The following NTM variants were observed in gnomAD, a reference collection of about 807,000 sequenced individuals.
The protein encoded by NTM is neurotrimin, also known as IgLON family member 2.
NTM carries 13 observed loss-of-function variants against 42.1 expected under a neutral mutation model. That is an observed-to-expected ratio of 0.31 (90% CI 0.20 to 0.49). NTM has a LOEUF of 0.49. NTM is among the 20% of genes least tolerant of loss of function. NTM has a pLI of 0.99. For synonymous variants in NTM, 187 were observed against 179.2 expected (o/e 1.04, Z -0.35); for missense variants, 373 against 452.8 (o/e 0.82, Z 1.60).
chr11:131,701,631 T>C (rs1414720064), intron 1 of NTM, among the ~76,000 whole-genome samples: 2 of 152,222 alleles, frequency 1.3e-5, no homozygotes, highest in Non-Finnish European at 2.9e-5. Context: ...TACTCATATT[T>C]CTGGAAAAGT....
intron 1 of NTM, chr11:131,911,333 C>T (rs972422332): frequency 2.7e-6 from 4 of 1,483,458 alleles, no homozygotes; most frequent in Non-Finnish European, 3.6e-6. Flanking sequence ...GAGGAGTCTG[C>T]GCGCTTTTCT....
At chr11:132,279,870 G>A (rs2093900547) in intron 4 of NTM, among the ~76,000 whole-genome samples, 1 of 152,146 alleles carries the variant, frequency 6.6e-6, no homozygotes, top group African/African-American at 2.4e-5. Flanking sequence ...TTGTATCACA[G>A]AACTCTCTGT....
At chr11:131,878,641 A>ATG (rs1565667266) in intron 1 of NTM, among the ~76,000 whole-genome samples, 3 of 122,538 alleles carry the variant, frequency 2.4e-5, no homozygotes, top group Non-Finnish European at 4.9e-5. Context: ...ATATATATAT[A>ATG]ATGTCTTATG....
intron 3 of NTM, among the ~76,000 whole-genome samples, chr11:132,197,649 TC>T (rs2080470642): frequency 1.2e-5 from 1 of 80,590 alleles, no homozygotes; most frequent in South Asian, 5.4e-4. Flanking sequence ...CCCTCCCCCC[TC>T]CCCCCACCCC....
intron 1 of NTM, among the ~76,000 whole-genome samples, chr11:131,584,947 G>C (rs1378284625): frequency 6.6e-6 from 1 of 151,976 alleles, no homozygotes; most frequent in Non-Finnish European, 1.5e-5. Context: ...GGTGGAGAAA[G>C]GACTCTATCA....
chr11:131,876,126 T>C (rs557977642), intron 1 of NTM, among the ~76,000 whole-genome samples: 2 of 152,326 alleles, frequency 1.3e-5, no homozygotes, highest in Non-Finnish European at 2.9e-5. Context: ...TTTCTCCCTC[T>C]CCAAAGCGAT....
intron 6 of NTM, among the ~76,000 whole-genome samples, chr11:132,313,895 G>C (rs2095350924): frequency 6.6e-6 from 1 of 152,064 alleles, no homozygotes. Flanking sequence ...ACATATTCTT[G>C]GGAACCTCTA....
At chr11:132,104,937 G>GTGTATATATA (rs1169190929) in intron 2 of NTM, among the ~76,000 whole-genome samples, 4 of 61,822 alleles carry the variant, frequency 6.5e-5, no homozygotes, top group Non-Finnish European at 8.9e-5. Context: ...ATATACATAT[G>GTGTATATATA]TATATATATA....
At position 131,970,475 on chromosome 11, in the gene NTM, G is replaced by C. The variant is rs1023519942; in HGVS notation, c.167+58827G>C. On this transcript the variant is annotated intron_variant, in intron 2 of 8. Transcript: ENST00000683400. ...TGGAAACTTTATCCTTCCCGAATTG[G>C]GCCACCTGATTCCTAGCTGAATGTT... is the stretch of plus-strand genomic sequence containing the variant. Among the ~76,000 whole-genome samples, 11 of 152,194 alleles carry C rather than the reference G, an allele frequency of 7.2e-5. No individual in the cohort carries two copies. The East Asian group carries it at 1.2e-3, about 16-fold the overall frequency.
intron 2 of NTM, among the ~76,000 whole-genome samples, chr11:132,079,272 C>T (rs886943431): frequency 6.6e-6 from 1 of 152,208 alleles, no homozygotes; most frequent in African/African-American, 2.4e-5. Context: ...ATGCAACATC[C>T]ATCTCTCATA....
chr11:132,309,276 G>A (rs2095204464), intron 5 of NTM, among the ~76,000 whole-genome samples: 1 of 152,216 alleles, frequency 6.6e-6, no homozygotes, highest in South Asian at 2.1e-4. Context: ...TGCAAACCAA[G>A]TGCGTAGGCC....
intron 1 of NTM, among the ~76,000 whole-genome samples, chr11:131,636,253 G>A (rs1031829396): frequency 1.3e-5 from 2 of 152,114 alleles, no homozygotes; most frequent in Non-Finnish European, 2.9e-5. Context: ...CTGGCTCAAG[G>A]TTAACCTCTC....
At chr11:131,860,330 G>A (rs920661050) in intron 1 of NTM, among the ~76,000 whole-genome samples, 1 of 152,144 alleles carries the variant, frequency 6.6e-6, no homozygotes, top group Non-Finnish European at 1.5e-5. Flanking sequence ...GATCATAAGG[G>A]GTCAAGGCAC....
chr11:131,374,755 T>A (rs1250933154), intron 1 of NTM, among the ~76,000 whole-genome samples: 2 of 152,174 alleles, frequency 1.3e-5, no homozygotes, highest in African/African-American at 4.8e-5. Context: ...TCCCTTGGGA[T>A]GAAGTGAGCT....
intron 2 of NTM, among the ~76,000 whole-genome samples, chr11:131,980,211 T>C (rs1457353621): frequency 1.3e-5 from 2 of 152,238 alleles, no homozygotes; most frequent in Non-Finnish European, 2.9e-5. Context: ...TGGTCATTTT[T>C]CCCGGATTGG....
At chr11:132,081,529 G>A (rs112667833) in intron 2 of NTM, among the ~76,000 whole-genome samples, 4 of 151,914 alleles carry the variant, frequency 2.6e-5, no homozygotes, top group African/African-American at 7.3e-5. Context: ...TCAGGAGATC[G>A]AGACCATCCT....
At chr11:131,823,633 T>C (rs547691600) in intron 1 of NTM, among the ~76,000 whole-genome samples, 43 of 144,950 alleles carry the variant, frequency 3.0e-4, no homozygotes, top group African/African-American at 1.2e-3. Context: ...AAAGGAAATA[T>C]AGACATAGAA....
chr11:132,251,732 C>A (rs987646078), intron 4 of NTM, among the ~76,000 whole-genome samples: 1 of 152,188 alleles, frequency 6.6e-6, no homozygotes, highest in Non-Finnish European at 1.5e-5. Context: ...CAAAATGATC[C>A]TCGGTGTGTA....
intron 1 of NTM, among the ~76,000 whole-genome samples, chr11:131,524,342 G>T (rs189463713): frequency 2.0e-5 from 3 of 152,194 alleles, no homozygotes; most frequent in African/African-American, 7.2e-5. Context: ...GGGGGCTCTC[G>T]GTCCTCCCAG....
Sources: gnomAD v4.1 joint callset for allele counts (sites outside exome capture counted in the v4.1 genomes callset) on GRCh38, gnomAD v4.1.1 for gene constraint, MANE v1.5 for transcripts, NCBI Gene and HGNC (gene_info 2026-07-23, HGNC 2026-07-21) for gene names.